TMEM230: variants seen among roughly 807,000 people sequenced by gnomAD.
TMEM230 encodes the protein UPF0414 transmembrane protein C20orf30.
In TMEM230, 10 loss-of-function variants were observed where a neutral mutation model predicts 15.8. That is an observed-to-expected ratio of 0.63 (90% CI 0.39 to 1.07). The LOEUF (loss-of-function observed/expected upper bound fraction) is 1.07, where lower values mean the gene tolerates loss of function less well. TMEM230 is among the 50% of genes least tolerant of loss of function. The pLI, the probability that TMEM230 is intolerant of heterozygous loss-of-function variation, is 0.01. For synonymous variants in TMEM230, 67 were observed against 76.9 expected (o/e 0.87, Z 0.68); for missense variants, 165 against 193.3 (o/e 0.85, Z 0.87).
the TMEM230 span, among the ~76,000 whole-genome samples, chr20:5,059,880 A>G: frequency 1.4e-5 from 2 of 144,420 alleles, no homozygotes; most frequent in African/African-American, 5.2e-5. Context: ...CCTAGTTTCA[A>G]GCAGTTCTCC....
chr20:5,063,521 T>G (rs1026356629), downstream of TMEM230, among the ~76,000 whole-genome samples: 2 of 151,986 alleles, frequency 1.3e-5, no homozygotes, highest in Admixed American at 1.3e-4. Flanking sequence ...ACTTCTGACC[T>G]CAAGTGGTCT....
downstream of TMEM230, among the ~76,000 whole-genome samples, chr20:5,096,235 C>G (rs1444748613): frequency 1.3e-5 from 2 of 152,256 alleles, no homozygotes; most frequent in African/African-American, 4.8e-5. Context: ...CTCCCTGAAG[C>G]CAAAGCAGTG....
intron 3 of TMEM230, among the ~76,000 whole-genome samples, chr20:5,075,257 G>A (rs1334534110): frequency 2.0e-5 from 3 of 150,494 alleles, no homozygotes; most frequent in South Asian, 2.1e-4. Context: ...TAGAGATGGC[G>A]TTTCTCTATG....
At chr20:5,072,043 G>A (rs566222573) in intron 3 of TMEM230, among the ~76,000 whole-genome samples, 3 of 151,414 alleles carry the variant, frequency 2.0e-5, no homozygotes, top group Non-Finnish European at 2.9e-5. Flanking sequence ...GAGCCACTGC[G>A]CCCAGCCTTT....
At chr20:5,089,794 C>T (rs1210316480) in intron 3 of TMEM230, among the ~76,000 whole-genome samples, 4 of 152,098 alleles carry the variant, frequency 2.6e-5, no homozygotes, top group East Asian at 1.9e-4. Context: ...TTTGGGAGGA[C>T]GAGACCTGAG....
chr20:5,069,147 A>G (rs1291662237), exon 4 of TMEM230: 13 of 1,458,842 alleles, frequency 8.9e-6, no homozygotes, highest in Non-Finnish European at 1.2e-5. Context: ...TTTTCAGTTT[A>G]GCCCTTTTAA....
downstream of TMEM230, among the ~76,000 whole-genome samples, chr20:5,064,142 C>A (rs1287177225): frequency 6.6e-6 from 1 of 152,042 alleles, no homozygotes; most frequent in African/African-American, 2.4e-5. Context: ...TAGCGCACAC[C>A]TGTAGTCCCA....
the TMEM230 span, among the ~76,000 whole-genome samples, chr20:5,060,001 A>G: frequency 6.6e-6 from 1 of 150,532 alleles, no homozygotes; most frequent in African/African-American, 2.5e-5. Flanking sequence ...CAAACTCCTG[A>G]CCTGAGGTAA....
At chr20:5,101,946 C>T (rs77086911) in intron 4 of TMEM230, among the ~76,000 whole-genome samples, 2,631 of 152,354 alleles carry the variant, frequency 0.017, 74 homozygotes, top group African/African-American at 0.059. Context: ...ATTGCTATTT[C>T]TCTCCAAATA....
downstream of TMEM230, among the ~76,000 whole-genome samples, chr20:5,095,235 A>T (rs1277645958): frequency 6.6e-6 from 1 of 152,156 alleles, no homozygotes; most frequent in African/African-American, 2.4e-5. Context: ...TTAGAGACCC[A>T]CGGATGGAGG....
downstream of TMEM230, among the ~76,000 whole-genome samples, chr20:5,095,067 G>A (rs559237325): frequency 7.9e-5 from 12 of 152,284 alleles, no homozygotes; most frequent in South Asian, 2.1e-4. Context: ...AAAGCAGCGC[G>A]GTGGATGGTG....
chr20:5,082,922 G>GTTTTT (rs140284230), intron 3 of TMEM230, among the ~76,000 whole-genome samples: 6 of 127,252 alleles, frequency 4.7e-5, no homozygotes, highest in Non-Finnish European at 6.6e-5. Context: ...TCTTCATATT[G>GTTTTT]TTTTTTTTTT....
rs753731870 is a variant in TMEM230 at position 5,100,085 on chromosome 20, C to CA, written c.*705dup. On this transcript the variant is annotated 3_prime_UTR_variant, in exon 5 of 5. Transcript: ENST00000342308. ...ACTACATGTTTCATTAGGAAACAGC[C>CA]AAAAGTCCGGCCGTTAAAGGAATAA... The CA allele has an allele frequency of 9.2e-5, 91 of 985,344 alleles. 1 individual carries two copies. The highest frequency in any genetic ancestry group is 4.9e-4 in the Admixed American group (8 of 16,260). The allele number at this position is 985,344 out of a possible 1,614,324, so 61.0% of individuals were successfully genotyped here. A position where few individuals can be genotyped will look rare whatever the true frequency, so the allele number is the denominator to read the frequency against.
At chr20:5,106,074 GACAAACACACACACACACACAC>G (rs2090069572) in intron 4 of TMEM230, 92 bp downstream of exon 3, 28 of 1,170,734 alleles carry the variant, frequency 2.4e-5, no homozygotes, top group Non-Finnish European at 2.7e-5. Context: ...CACTGGGACG[GACAAACACACACACACACACAC>G]ACACACACAC....
intron 1 of TMEM230, chr20:5,112,719 C>A: frequency 7.0e-7 from 1 of 1,431,248 alleles, no homozygotes; most frequent in South Asian, 1.5e-5. Context: ...GCATTACGCG[C>A]CTCTACATAC....
At chr20:5,106,696 C>T (rs1015773431) in intron 3 of TMEM230, among the ~76,000 whole-genome samples, 2 of 152,134 alleles carry the variant, frequency 1.3e-5, no homozygotes, top group Non-Finnish European at 2.9e-5. Flanking sequence ...CGTGAGCCAC[C>T]GCGCCCGGCC....
downstream of TMEM230, among the ~76,000 whole-genome samples, chr20:5,096,667 T>G (rs893341510): frequency 3.9e-5 from 6 of 152,280 alleles, no homozygotes; most frequent in Admixed American, 2.0e-4. Flanking sequence ...GAGGCATGAC[T>G]GACCAGGCAG....
chr20:5,082,222 T>TTCTC (rs1228445902), intron 3 of TMEM230, among the ~76,000 whole-genome samples: 1 of 120,378 alleles, frequency 8.3e-6, no homozygotes, highest in Non-Finnish European at 1.9e-5. Flanking sequence ...AAAGCCTTGT[T>TTCTC]TCTCTCTCTC....
At chr20:5,064,531 A>G (rs2088633573), downstream of TMEM230, among the ~76,000 whole-genome samples, 1 of 151,100 alleles carries the variant, frequency 6.6e-6, no homozygotes, top group East Asian at 2.0e-4. Flanking sequence ...AGCCAAGATC[A>G]CGCCATTGCA....
Sources: allele counts gnomAD v4.1 joint callset (sites outside exome capture counted in the v4.1 genomes callset), GRCh38; gene constraint gnomAD v4.1.1; transcripts MANE v1.5; gene names NCBI Gene and HGNC (gene_info 2026-07-23, HGNC 2026-07-21).